ZMAT4: variants seen among roughly 807,000 people sequenced by gnomAD.
ZMAT4 encodes the protein zinc finger matrin-type 4.
In ZMAT4, 17 loss-of-function variants were observed where a neutral mutation model predicts 28.7. That is an observed-to-expected ratio of 0.59 (90% confidence interval 0.41 to 0.89). The LOEUF is 0.89. ZMAT4 is among the 40% of genes least tolerant of loss of function. The pLI is 0.00. For synonymous variants in ZMAT4, 117 were observed against 109.2 expected (o/e 1.07, Z -0.44); for missense variants, 240 against 283.8 (o/e 0.85, Z 1.11).
At chr8:40,629,879 G>A (rs1806511822) in intron 5 of ZMAT4, among the ~76,000 whole-genome samples, 1 of 152,138 alleles carries the variant, frequency 6.6e-6, no homozygotes, top group Admixed American at 6.5e-5. Flanking sequence ...GTGTGCATGT[G>A]TCTTTATAGC....
At chr8:40,566,304 A>G (rs190343839) in intron 6 of ZMAT4, among the ~76,000 whole-genome samples, 3 of 152,304 alleles carry the variant, frequency 2.0e-5, no homozygotes, top group Admixed American at 2.0e-4. Context: ...CTTTAGAGTA[A>G]CTTGGAAATG....
intron 5 of ZMAT4, among the ~76,000 whole-genome samples, chr8:40,668,768 G>C (rs1336140625): frequency 6.6e-6 from 1 of 152,046 alleles, no homozygotes; most frequent in African/African-American, 2.4e-5. Context: ...CAGTCTTTTG[G>C]CTGTACAAGA....
intron 2 of ZMAT4, among the ~76,000 whole-genome samples, chr8:40,811,496 A>G (rs1815313369): frequency 6.6e-6 from 1 of 152,196 alleles, no homozygotes; most frequent in South Asian, 2.1e-4. Flanking sequence ...AGACTGGGGT[A>G]ATCGGAAGCC....
At chr8:40,761,780 T>C (rs760926965) in intron 3 of ZMAT4, among the ~76,000 whole-genome samples, 2 of 152,154 alleles carry the variant, frequency 1.3e-5, no homozygotes, top group Admixed American at 6.6e-5. Flanking sequence ...AAGAAAAAAT[T>C]CCACGACAGA....
chr8:40,719,349 A>T (rs1284680767), intron 3 of ZMAT4, among the ~76,000 whole-genome samples: 1 of 152,072 alleles, frequency 6.6e-6, no homozygotes, highest in Non-Finnish European at 1.5e-5. Flanking sequence ...GGCTGAGGCA[A>T]GATAATTGCT....
chr8:40,761,366 C>T (rs1812930185), intron 3 of ZMAT4, among the ~76,000 whole-genome samples: 1 of 152,130 alleles, frequency 6.6e-6, no homozygotes, highest in Non-Finnish European at 1.5e-5. Flanking sequence ...CTCTGCCTAA[C>T]CAGGTCTCCC....
chr8:40,578,539 A>G (rs1476252287), intron 6 of ZMAT4, among the ~76,000 whole-genome samples: 1 of 152,204 alleles, frequency 6.6e-6, no homozygotes. Flanking sequence ...TTACTAAAAA[A>G]AAATTGATTT....
chr8:40,724,894 C>T (rs35881213), intron 3 of ZMAT4, among the ~76,000 whole-genome samples: 44,299 of 152,008 alleles, frequency 0.29, 7,026 homozygotes, highest in Non-Finnish European at 0.36. Context: ...CCAGACCTAG[C>T]TGGGATGATA....
chr8:40,669,420 T>C (rs888564306), intron 5 of ZMAT4, among the ~76,000 whole-genome samples: 1 of 152,010 alleles, frequency 6.6e-6, no homozygotes, highest in African/African-American at 2.4e-5. Flanking sequence ...ATGATGTATT[T>C]CATAAAGTTA....
At chr8:40,816,662 T>C (rs1815553526) in intron 2 of ZMAT4, among the ~76,000 whole-genome samples, 1 of 152,142 alleles carries the variant, frequency 6.6e-6, no homozygotes, top group African/African-American at 2.4e-5. Flanking sequence ...AACCAGAAGG[T>C]TCTATTCTAG....
intron 2 of ZMAT4, among the ~76,000 whole-genome samples, chr8:40,820,935 TG>T (rs530326924): frequency 3.2e-3 from 33 of 10,288 alleles, no homozygotes; most frequent in African/African-American, 5.6e-3. Flanking sequence ...GTGTAGGAAG[TG>T]GGGGGCATAT....
At chr8:40,682,607 C>T (rs575198839) in intron 4 of ZMAT4, among the ~76,000 whole-genome samples, 44 of 152,206 alleles carry the variant, frequency 2.9e-4, no homozygotes, top group African/African-American at 7.7e-4. Flanking sequence ...ATAATATATC[C>T]GATGTTTCAA....
chr8:40,774,625 A>G (rs981361106), intron 2 of ZMAT4, among the ~76,000 whole-genome samples: 5 of 151,844 alleles, frequency 3.3e-5, no homozygotes, highest in Admixed American at 2.0e-4. Flanking sequence ...TAATATATCC[A>G]TATAATAGAT....
At chr8:40,717,837 TTTAATAA>T (rs1810922769) in intron 3 of ZMAT4, among the ~76,000 whole-genome samples, 1 of 152,182 alleles carries the variant, frequency 6.6e-6, no homozygotes, top group Non-Finnish European at 1.5e-5. Flanking sequence ...TCTTTTTATT[TTTAATAA>T]ATTTTTAATT....
At chr8:40,546,404 T>C (rs998888305) in intron 6 of ZMAT4, among the ~76,000 whole-genome samples, 19 of 152,044 alleles carry the variant, frequency 1.2e-4, no homozygotes, top group African/African-American at 4.1e-4. Flanking sequence ...CTGAGTGGGA[T>C]TCGAGGTGTT....
intron 2 of ZMAT4, among the ~76,000 whole-genome samples, chr8:40,793,187 TGA>T (rs1814436223): frequency 6.6e-6 from 1 of 152,038 alleles, no homozygotes; most frequent in African/African-American, 2.4e-5. Flanking sequence ...GAAACCGTGG[TGA>T]GAGGGGGGTA....
intron 5 of ZMAT4, among the ~76,000 whole-genome samples, chr8:40,622,727 C>T (rs1369308525): frequency 6.6e-6 from 1 of 152,114 alleles, no homozygotes; most frequent in Non-Finnish European, 1.5e-5. Flanking sequence ...GCTGGTGTGT[C>T]ACATGGTGAC....
intron 6 of ZMAT4, among the ~76,000 whole-genome samples, chr8:40,567,397 T>C (rs1324853536): frequency 1.3e-5 from 2 of 152,102 alleles, no homozygotes; most frequent in Non-Finnish European, 2.9e-5. Context: ...ATCTGGCTAT[T>C]CTTAACACAA....
intron 3 of ZMAT4, among the ~76,000 whole-genome samples, chr8:40,698,882 A>G (rs1286185986): frequency 6.6e-6 from 1 of 151,720 alleles, no homozygotes; most frequent in Non-Finnish European, 1.5e-5. Context: ...GGACCACTGG[A>G]GAGAGGAGGG....
Sources: gnomAD v4.1 joint callset for allele counts (sites outside exome capture counted in the v4.1 genomes callset) on GRCh38, gnomAD v4.1.1 for gene constraint, MANE v1.5 for transcripts, NCBI Gene and HGNC (gene_info 2026-07-23, HGNC 2026-07-21) for gene names.